The following RYR2 variants were observed in gnomAD, a reference collection of about 807,000 sequenced individuals.
RYR2 encodes ryanodine receptor 2, also known as cardiac muscle ryanodine receptor-calcium release channel.
Under a neutral mutation model 601.1 loss-of-function variants are expected in RYR2, and 227 were observed. The ratio of observed to expected loss-of-function variants is 0.38; its 90% CI spans 0.34 to 0.42. The LOEUF (loss-of-function observed/expected upper bound fraction) is 0.42. Among genes scored for constraint, RYR2 ranks in the 10% least tolerant of loss-of-function variants. RYR2 has a pLI of 1.00. For missense variants in RYR2, 4,646 were observed against 6,156.5 expected, an observed-to-expected ratio of 0.75 and a Z score of 8.21; for synonymous variants, 2,223 against 2,175.1, an observed-to-expected ratio of 1.02 and a Z score of -0.61.
chr1:237,453,583 A>C (rs542584506), intron 14 of RYR2, among the ~76,000 whole-genome samples: 1 of 152,258 alleles, frequency 6.6e-6, no homozygotes, highest in East Asian at 1.9e-4. Flanking sequence ...ACAACTTGTC[A>C]TGGCTATAGA....
chr1:237,462,648 A>G (rs1208710160), intron 16 of RYR2, among the ~76,000 whole-genome samples: 1 of 152,188 alleles, frequency 6.6e-6, no homozygotes, highest in Non-Finnish European at 1.5e-5. Context: ...GAATGTTTGA[A>G]GACTTGGAAA....
chr1:237,481,115 T>TATATATATGTATATAC (rs1662030464), intron 17 of RYR2, among the ~76,000 whole-genome samples: 2 of 74,898 alleles, frequency 2.7e-5, no homozygotes, highest in East Asian at 2.9e-4. Context: ...TACATATATA[T>TATATATATGTATATAC]ATATATATAT....
chr1:237,683,624 A>T (rs771060014), intron 62 of RYR2, among the ~76,000 whole-genome samples: 4 of 152,234 alleles, frequency 2.6e-5, no homozygotes, highest in Non-Finnish European at 5.9e-5. Flanking sequence ...AAGGTAGGTT[A>T]TATAGATGGT....
At chr1:237,194,160 A>C (rs1218808399) in intron 1 of RYR2, among the ~76,000 whole-genome samples, 1 of 152,192 alleles carries the variant, frequency 6.6e-6, no homozygotes, top group Non-Finnish European at 1.5e-5. Flanking sequence ...AGTTGCTGGC[A>C]GAGTACAGCA....
chr1:237,047,424 C>A (rs1472726469), intron 1 of RYR2, among the ~76,000 whole-genome samples: 1 of 133,168 alleles, frequency 7.5e-6, no homozygotes, highest in Non-Finnish European at 1.6e-5. Flanking sequence ...TATCCACTTA[C>A]TCCTTCTGGT....
At chr1:237,398,206 G>A (rs1703035885) in intron 10 of RYR2, among the ~76,000 whole-genome samples, 1 of 152,116 alleles carries the variant, frequency 6.6e-6, no homozygotes, top group Non-Finnish European at 1.5e-5. Context: ...GGTCCTCTCA[G>A]CCAAGAGAGG....
At chr1:237,140,926 G>C (rs367887948) in intron 1 of RYR2, among the ~76,000 whole-genome samples, 2 of 152,184 alleles carry the variant, frequency 1.3e-5, no homozygotes, top group African/African-American at 4.8e-5. Context: ...ATTAGGGAGT[G>C]CATCTGCTGT....
intron 7 of RYR2, among the ~76,000 whole-genome samples, chr1:237,376,028 T>C (rs1486553622): frequency 1.3e-5 from 2 of 152,186 alleles, no homozygotes; most frequent in African/African-American, 2.4e-5. Flanking sequence ...CCTGCCTTCA[T>C]CAGAATTAAA....
intron 40 of RYR2, among the ~76,000 whole-genome samples, chr1:237,627,396 G>A (rs955886253): frequency 2.6e-5 from 4 of 152,148 alleles, no homozygotes; most frequent in African/African-American, 9.7e-5. Context: ...CTTTTTGAAT[G>A]TCCGTGACCG....
rs920004426 is a variant in RYR2, at chr1:237,718,405, C to T, written c.10495-57C>T. On this transcript the variant is annotated intron_variant, in intron 72 of 104. Coordinates refer to ENST00000366574, the MANE Select transcript of RYR2 (RefSeq NM_001035.3). ...AAAAGGTTTGGATTGTTTCTATTGA[C>T]TTGTGACAGTTGATGCAATAGAAGA... 13 of 854,978 alleles carry T rather than the reference C, an allele frequency of 1.5e-5. No homozygotes were observed. The Admixed American group carries it at 2.6e-4, about 17-fold the overall frequency. 53.0% of individuals were successfully genotyped at this position (854,978 alleles called of 1,614,324 possible).
chr1:237,054,067 C>T (rs187792568), intron 1 of RYR2, among the ~76,000 whole-genome samples: 1 of 152,278 alleles, frequency 6.6e-6, no homozygotes, highest in African/African-American at 2.4e-5. Context: ...AACTGAGTTG[C>T]AAAGAGGTGA....
intron 17 of RYR2, among the ~76,000 whole-genome samples, chr1:237,477,821 G>A (rs1296248694): frequency 6.6e-6 from 1 of 152,168 alleles, no homozygotes; most frequent in Non-Finnish European, 1.5e-5. Context: ...AGCTTTTAAA[G>A]TGGGAGCATA....
At chr1:237,301,900 C>A (rs180834352) in intron 2 of RYR2, among the ~76,000 whole-genome samples, 72 of 152,216 alleles carry the variant, frequency 4.7e-4, no homozygotes, top group Admixed American at 1.4e-3. Context: ...AGTTAAAGTG[C>A]GTGTGATAAA....
intron 1 of RYR2, among the ~76,000 whole-genome samples, chr1:237,162,341 A>G (rs567088537): frequency 6.6e-6 from 1 of 152,060 alleles, no homozygotes; most frequent in Admixed American, 6.6e-5. Flanking sequence ...TCATCAACAA[A>G]TCTTTATTGG....
intron 92 of RYR2, among the ~76,000 whole-genome samples, 184 bp from the exon 93 acceptor site, chr1:237,791,245 G>A (rs790904): frequency 1.3e-5 from 2 of 151,886 alleles, no homozygotes; most frequent in Non-Finnish European, 2.9e-5. Context: ...TTTATTCTTT[G>A]TCTCCTCCAT....
intron 1 of RYR2, among the ~76,000 whole-genome samples, chr1:237,094,544 G>T (rs2148480571): frequency 6.6e-6 from 1 of 151,736 alleles, no homozygotes; most frequent in East Asian, 1.9e-4. Flanking sequence ...ACAGTTTTAT[G>T]AATGCATCAT....
intron 1 of RYR2, among the ~76,000 whole-genome samples, chr1:237,160,478 AT>A (rs1428906175): frequency 6.6e-6 from 1 of 151,776 alleles, no homozygotes; most frequent in East Asian, 1.9e-4. Flanking sequence ...TTTCATTTTT[AT>A]TTTTTTGTCA....
At chr1:237,798,493 T>C (rs368342375) in intron 97 of RYR2, among the ~76,000 whole-genome samples, 1 of 152,166 alleles carries the variant, frequency 6.6e-6, no homozygotes, top group East Asian at 1.9e-4. Flanking sequence ...ACTCAATATA[T>C]GGCTGTTTTC....
At chr1:237,225,897 A>T (rs1684312012) in intron 1 of RYR2, among the ~76,000 whole-genome samples, 1 of 152,154 alleles carries the variant, frequency 6.6e-6, no homozygotes, top group Non-Finnish European at 1.5e-5. Context: ...TCTACTAGAA[A>T]TACAAAAATT....
Sources: allele counts gnomAD v4.1 joint callset (sites outside exome capture counted in the v4.1 genomes callset), GRCh38; gene constraint gnomAD v4.1.1; transcripts MANE v1.5; gene names NCBI Gene and HGNC (gene_info 2026-07-23, HGNC 2026-07-21).